The following IGF1R variants were observed in gnomAD, a reference collection of about 807,000 sequenced individuals.
The protein encoded by IGF1R is insulin-like growth factor 1 receptor.
IGF1R carries 44 observed loss-of-function variants against 144.6 expected under a neutral mutation model. The ratio of observed to expected loss-of-function variants is 0.30; its 90% CI spans 0.24 to 0.39. The LOEUF is 0.39. Among genes scored for constraint, IGF1R ranks in the 10% least tolerant of loss-of-function variants. IGF1R has a pLI of 1.00. For synonymous variants in IGF1R, 795 were observed against 722.8 expected, an observed-to-expected ratio of 1.10 and a Z score of -1.60; for missense variants, 1,355 against 1,833.7, an observed-to-expected ratio of 0.74 and a Z score of 4.77.
intron 2 of IGF1R, among the ~76,000 whole-genome samples, chr15:98,812,004 C>T (rs1249477798): frequency 6.6e-6 from 1 of 152,212 alleles, no homozygotes; most frequent in Non-Finnish European, 1.5e-5. Context: ...TGAATATTTC[C>T]TTCCCCAGAT....
At chr15:98,668,166 C>T (rs1349925639) in intron 1 of IGF1R, among the ~76,000 whole-genome samples, 1 of 152,110 alleles carries the variant, frequency 6.6e-6, no homozygotes, top group African/African-American at 2.4e-5. Flanking sequence ...CTGGTCTCTT[C>T]CTCTTTATGT....
chr15:98,844,247 A>G (rs2011232592), intron 2 of IGF1R, among the ~76,000 whole-genome samples: 1 of 152,230 alleles, frequency 6.6e-6, no homozygotes, highest in South Asian at 2.1e-4. Context: ...AATTCCAGAG[A>G]AAGAACAGGA....
chr15:98,863,770 G>A (rs1428443870), intron 2 of IGF1R, among the ~76,000 whole-genome samples: 1 of 152,208 alleles, frequency 6.6e-6, no homozygotes, highest in Admixed American at 6.5e-5. Flanking sequence ...TTTTGGTCCT[G>A]GCTGCAAATC....
intron 2 of IGF1R, among the ~76,000 whole-genome samples, chr15:98,792,708 C>G (rs2056154523): frequency 6.6e-6 from 1 of 152,164 alleles, no homozygotes; most frequent in South Asian, 2.1e-4. Flanking sequence ...GCCCAAACTT[C>G]TCTTACTTAT....
At chr15:98,691,052 T>C (rs2053464268) in intron 1 of IGF1R, among the ~76,000 whole-genome samples, 1 of 152,220 alleles carries the variant, frequency 6.6e-6, no homozygotes, top group Non-Finnish European at 1.5e-5. Flanking sequence ...CAGCTTCGCC[T>C]CTGTTAACAT....
At chr15:98,677,103 T>C (rs1263395607) in intron 1 of IGF1R, among the ~76,000 whole-genome samples, 2 of 151,744 alleles carry the variant, frequency 1.3e-5, no homozygotes, top group African/African-American at 4.8e-5. Flanking sequence ...CCTGGCTAAG[T>C]TTTTTCTTTT....
intron 2 of IGF1R, among the ~76,000 whole-genome samples, chr15:98,856,091 G>T (rs2011800197): frequency 6.6e-6 from 1 of 152,192 alleles, no homozygotes; most frequent in Non-Finnish European, 1.5e-5. Context: ...TGTAGAAGGG[G>T]CCTTCTCCAA....
intron 2 of IGF1R, among the ~76,000 whole-genome samples, chr15:98,846,128 C>A (rs2011318025): frequency 6.6e-6 from 1 of 152,180 alleles, no homozygotes; most frequent in Non-Finnish European, 1.5e-5. Context: ...ATATACATTT[C>A]TCCCCATTTC....
intron 2 of IGF1R, among the ~76,000 whole-genome samples, chr15:98,726,561 T>A (rs1041131773): frequency 5.3e-5 from 8 of 152,166 alleles, no homozygotes. Context: ...ATGACTCTTA[T>A]GAGAAAGGAA....
intron 2 of IGF1R, among the ~76,000 whole-genome samples, chr15:98,732,697 G>A (rs2054521858): frequency 6.6e-6 from 1 of 152,194 alleles, no homozygotes; most frequent in Admixed American, 6.5e-5. Flanking sequence ...GACCACCCTT[G>A]CCATTAACTA....
intron 1 of IGF1R, among the ~76,000 whole-genome samples, chr15:98,652,508 G>C (rs186105043): frequency 5.3e-4 from 81 of 152,324 alleles, no homozygotes; most frequent in African/African-American, 1.9e-3. Context: ...GTGTTTTGTG[G>C]AAGGGTGGGG....
chr15:98,843,820 A>C (rs2011222248), intron 2 of IGF1R, among the ~76,000 whole-genome samples: 1 of 152,200 alleles, frequency 6.6e-6, no homozygotes, highest in Non-Finnish European at 1.5e-5. Flanking sequence ...CTAGAGAAGA[A>C]GCTGCATCTA....
intron 19 of IGF1R, among the ~76,000 whole-genome samples, chr15:98,944,040 G>A (rs888919800): frequency 6.6e-6 from 1 of 152,200 alleles, no homozygotes; most frequent in African/African-American, 2.4e-5. Flanking sequence ...GCTTGTCCAA[G>A]ATGGTTATCT....
At chr15:98,839,637 T>C (rs1490534382) in intron 2 of IGF1R, among the ~76,000 whole-genome samples, 3 of 152,222 alleles carry the variant, frequency 2.0e-5, no homozygotes, top group Non-Finnish European at 2.9e-5. Context: ...AACAGTACCC[T>C]GGATGGTGGA....
intron 1 of IGF1R, chr15:98,651,120 T>G (rs1320983879): frequency 1.0e-6 from 1 of 960,396 alleles, no homozygotes; most frequent in African/African-American, 1.8e-5. Context: ...GTGGTGCCGA[T>G]TAACTTTGAA....
At chr15:98,936,304 T>C (rs908720918) in intron 17 of IGF1R, among the ~76,000 whole-genome samples, 2 of 152,222 alleles carry the variant, frequency 1.3e-5, no homozygotes, top group Admixed American at 6.5e-5. Context: ...TAAAGTCCTA[T>C]GCAATTTTTC....
At position 98,909,282 on chromosome 15, in the gene IGF1R, G is replaced by C. The variant is rs1255189832; in HGVS notation, c.1462+383G>C. Among the ~76,000 whole-genome samples the C allele has an allele frequency of 5.5e-4, 5 of 9,142 alleles. No homozygotes were observed. In the East Asian group the frequency reaches 6.6e-3, roughly 12 times the overall value. The allele number at this position is 9,142 out of a possible 152,430, so 6.0% of individuals were successfully genotyped here. On this transcript the variant is annotated intron_variant, in intron 6 of 20. Transcript: ENST00000650285. ...TTTTCTTTTTTTTTTTTTTTTTTGA[G>C]ATGGAGTCTCACTCTGTCACCCAGG...
intron 2 of IGF1R, among the ~76,000 whole-genome samples, chr15:98,878,065 G>A (rs906667058): frequency 2.4e-4 from 36 of 152,248 alleles, no homozygotes; most frequent in African/African-American, 8.0e-4. Context: ...TCTAAGGTAT[G>A]TGTAATAGGC....
chr15:98,813,408 C>T (rs1490454460), intron 2 of IGF1R, among the ~76,000 whole-genome samples: 1 of 152,206 alleles, frequency 6.6e-6, no homozygotes, highest in Non-Finnish European at 1.5e-5. Context: ...CCCTACACCC[C>T]AGAGCCTGTC....
Sources: gnomAD v4.1 joint callset for allele counts (sites outside exome capture counted in the v4.1 genomes callset) on GRCh38, gnomAD v4.1.1 for gene constraint, MANE v1.5 for transcripts, NCBI Gene and HGNC (gene_info 2026-07-23, HGNC 2026-07-21) for gene names.